The following DCLK1 variants were observed in gnomAD, a reference collection of about 807,000 sequenced individuals.
DCLK1 encodes doublecortin like kinase 1.
In DCLK1, 16 loss-of-function variants were observed where a neutral mutation model predicts 86.2. The observed-to-expected ratio is 0.19, with a 90% confidence interval of 0.13 to 0.28. The LOEUF (loss-of-function observed/expected upper bound fraction) is 0.28. Among genes scored for constraint, DCLK1 ranks in the 10% least tolerant of loss-of-function variants. The pLI is 1.00. For synonymous variants in DCLK1, 369 were observed against 370.5 expected, an observed-to-expected ratio of 1.00 and a Z score of 0.05; for missense variants, 590 against 940.2, an observed-to-expected ratio of 0.63 and a Z score of 4.87.
At chr13:35,788,850 T>G (rs2086663093) in intron 16 of DCLK1, among the ~76,000 whole-genome samples, 1 of 152,186 alleles carries the variant, frequency 6.6e-6, no homozygotes, top group Non-Finnish European at 1.5e-5. Context: ...AGGTATATGA[T>G]CTAATTAAAG....
In DCLK1 at chr13:36,126,028, G is replaced by A; in HGVS notation, c.110C>T (p.Ala37Val). 2 of 1,613,978 alleles carry A rather than the reference G, an allele frequency of 1.2e-6. No homozygotes were observed. The highest frequency in any genetic ancestry group is 1.7e-6 in the Non-Finnish European group (2 of 1,180,012). The part of the protein sequence containing the change: ...VNGLPSPTHS[A>V]HCSFYRTRTL... ...GCGGGTGCGGTAGAAGCTGCAGTGG[G>A]CGCTGTGCGTCGGGCTCGGCAGGCC... The change falls in exon 2 of 17, where the codon GCC becomes GTC. Residue 37 changes from alanine (A) to valine (V), a missense_variant. By Grantham distance (64) the Ala-to-Val change is moderately conservative. Coordinates refer to ENST00000360631, the MANE Select transcript of DCLK1 (RefSeq NM_001330071.2).
At chr13:35,963,306 C>T (rs1475575906) in intron 3 of DCLK1, among the ~76,000 whole-genome samples, 1 of 152,152 alleles carries the variant, frequency 6.6e-6, no homozygotes, top group Non-Finnish European at 1.5e-5. Context: ...ACACTAAAAA[C>T]CAAATGCATC....
chr13:35,961,436 C>T (rs1481960842), intron 3 of DCLK1, among the ~76,000 whole-genome samples: 1 of 152,188 alleles, frequency 6.6e-6, no homozygotes, highest in Non-Finnish European at 1.5e-5. Context: ...TCTGGTCTAA[C>T]AGCTGTTAGA....
At chr13:35,988,784 ATG>A (rs1880065584) in intron 3 of DCLK1, among the ~76,000 whole-genome samples, 1 of 152,196 alleles carries the variant, frequency 6.6e-6, no homozygotes. Flanking sequence ...CCATGTTGCA[ATG>A]AGCTTCTGAT....
At chr13:35,854,684 TAG>T (rs1870921261) in intron 5 of DCLK1, 91 bp from the exon 6 acceptor site, 5 of 1,139,872 alleles carry the variant, frequency 4.4e-6, no homozygotes, top group Non-Finnish European at 4.8e-6. Context: ...AACAATTATA[TAG>T]AGAGCCATCT....
At chr13:35,972,453 A>G (rs1052306427) in intron 3 of DCLK1, among the ~76,000 whole-genome samples, 1 of 152,190 alleles carries the variant, frequency 6.6e-6, no homozygotes, top group African/African-American at 2.4e-5. Flanking sequence ...CCTCAGAGCT[A>G]CACACATAGT....
chr13:36,082,560 A>G (rs1017234961), intron 3 of DCLK1, among the ~76,000 whole-genome samples: 2 of 152,102 alleles, frequency 1.3e-5, no homozygotes, highest in African/African-American at 4.8e-5. Flanking sequence ...TAAATTCTCA[A>G]CAAAGAGTTG....
chr13:36,023,042 T>C (rs977331164), intron 3 of DCLK1, among the ~76,000 whole-genome samples: 1 of 151,918 alleles, frequency 6.6e-6, no homozygotes, highest in Non-Finnish European at 1.5e-5. Context: ...TAAAAAGGAG[T>C]GTATACCATT....
chr13:36,003,399 G>A (rs1039078967), intron 3 of DCLK1, among the ~76,000 whole-genome samples: 8 of 152,112 alleles, frequency 5.3e-5, no homozygotes, highest in African/African-American at 1.9e-4. Flanking sequence ...CACTACTGGA[G>A]AAATATAAAC....
rs1868592034 is a variant in DCLK1, at chr13:35,827,673, C to T, written c.1369G>A (p.Val457Met). 1.2e-6 allele frequency: 2 copies of T among 1,613,982 alleles called. No homozygotes were observed. Among genetic ancestry groups the T allele is most frequent in the South Asian group, 1.1e-5 (1 of 91,082 alleles). Residue 457 changes from valine (V) to methionine (M), a missense_variant, in exon 10 of 17, where the codon GTG becomes ATG. By Grantham distance (21) the Val-to-Met change is conservative (BLOSUM62 1). Coordinates refer to ENST00000360631, the MANE Select transcript of DCLK1 (RefSeq NM_001330071.2). ...NIVLLIEEMD[V>M]PTELYLVMEL... The stretch of plus-strand genomic sequence containing the variant: ...ATGACAAGATACAGTTCAGTTGGCA[C>T]ATCCATCTCCTCAATCAGAAGAACG...
At position 36,111,826 on chromosome 13, in the gene DCLK1, T is replaced by G. The variant is rs747801057; in HGVS notation, c.723+43A>C. On this transcript the variant is annotated intron_variant, in intron 3 of 16. Coordinates refer to ENST00000360631, the MANE Select transcript of DCLK1 (RefSeq NM_001330071.2). ...CCACGTACACCCTCCGACTCCCTGG[T>G]TCTTGCCTTAAAGTCAAAGTCACAT... 112 of 1,561,284 alleles carry G rather than the reference T, an allele frequency of 7.2e-5. 1 individual carries two copies. The South Asian group carries it at 1.3e-3, about 18-fold the overall frequency.
intron 3 of DCLK1, among the ~76,000 whole-genome samples, chr13:36,108,702 A>G (rs1462413607): frequency 1.3e-5 from 2 of 152,248 alleles, no homozygotes; most frequent in African/African-American, 2.4e-5. Flanking sequence ...TTCATTTTTT[A>G]AACAATTCTA....
intron 15 of DCLK1, among the ~76,000 whole-genome samples, chr13:35,797,381 C>A (rs2086833889): frequency 1.3e-5 from 2 of 152,172 alleles, no homozygotes; most frequent in African/African-American, 4.8e-5. Context: ...AGCCACCTCA[C>A]AATGGATTTC....
chr13:35,987,705 A>C (rs1026377209), intron 3 of DCLK1, among the ~76,000 whole-genome samples: 2 of 152,136 alleles, frequency 1.3e-5, no homozygotes, highest in African/African-American at 2.4e-5. Flanking sequence ...GAGAGAAGAC[A>C]CCTAACCCGC....
chr13:35,976,394 C>T (rs373077832), intron 3 of DCLK1, among the ~76,000 whole-genome samples: 1 of 152,086 alleles, frequency 6.6e-6, no homozygotes, highest in Admixed American at 6.6e-5. Flanking sequence ...TCCTCCCTAA[C>T]AGCCTCAGCA....
At chr13:35,790,035 C>T (rs1197038036) in intron 16 of DCLK1, among the ~76,000 whole-genome samples, 2 of 152,270 alleles carry the variant, frequency 1.3e-5, no homozygotes, top group East Asian at 3.9e-4. Flanking sequence ...ACCTTTCCTC[C>T]TTCAGGAGGG....
Position 35,827,748 on chromosome 13 carries a change from T to C in DCLK1, c.1294A>G (p.Met432Val). Reference protein sequence around the residue: ...KKSKCRGKEHMIQNEVSILRR... With the variant: ...KKSKCRGKEHVIQNEVSILRR... ...AAAATAGACACTTCATTCTGGATCA[T>C]GTGCTCCTGTCCAAAGGAAAAGTTA... The change falls in exon 10 of 17, where the codon ATG (methionine) becomes GTG (valine). Residue 432 changes from methionine to valine, a missense_variant. Met to Val is a conservative substitution (Grantham distance 21). Around this residue, in one of 6 missense-constraint regions of DCLK1, gnomAD observed 108 missense variants for 195.7 expected, o/e 0.55. Transcript: ENST00000360631. 1.9e-6 allele frequency: 3 copies of C among 1,613,652 alleles called. No individual in the cohort carries two copies. The highest frequency in any genetic ancestry group is 2.5e-6 in the Non-Finnish European group (3 of 1,179,972).
chr13:35,847,443 C>A (rs1268951246), intron 6 of DCLK1: 5 of 984,966 alleles, frequency 5.1e-6, no homozygotes, highest in Non-Finnish European at 4.8e-6. Context: ...TACCCACATA[C>A]ACACCAAGCC....
At chr13:35,913,042 C>T (rs536893902) in intron 4 of DCLK1, among the ~76,000 whole-genome samples, 18 of 152,270 alleles carry the variant, frequency 1.2e-4, no homozygotes, top group South Asian at 8.3e-4. Flanking sequence ...GGGGCACCTC[C>T]GTCGCAAGTC....
Sources: allele counts gnomAD v4.1 joint callset (sites outside exome capture counted in the v4.1 genomes callset), GRCh38; gene constraint gnomAD v4.1.1; regional missense constraint gnomAD v4.1.1; transcripts MANE v1.5; gene names NCBI Gene and HGNC (gene_info 2026-07-23, HGNC 2026-07-21).